SMARCAD1: variants seen among roughly 807,000 people sequenced by gnomAD.
The protein encoded by SMARCAD1 is SWI/SNF-related matrix-associated actin-dependent regulator of chromatin subfamily A containing DEAD/H box 1.
SMARCAD1 carries 25 observed loss-of-function variants against 127.1 expected under a neutral mutation model. The ratio of observed to expected loss-of-function variants is 0.20; its 90% confidence interval spans 0.14 to 0.27. The LOEUF (loss-of-function observed/expected upper bound fraction) is 0.27, where lower values mean the gene tolerates loss of function less well. Ranked by LOEUF, SMARCAD1 falls within the 10% of genes least tolerant of loss-of-function variation. SMARCAD1 has a pLI of 1.00. For synonymous variants in SMARCAD1, 400 were observed against 396.9 expected (o/e 1.01, Z -0.09); for missense variants, 807 against 1,206.0 (o/e 0.67, Z 4.90).
Position 94,224,084 on chromosome 4 carries a change from GT to G in SMARCAD1, c.191-2031del, listed in dbSNP as rs1744624511. Among the ~76,000 whole-genome samples, 3 of 152,242 alleles carry G rather than the reference GT, an allele frequency of 2.0e-5. No homozygotes were observed. The South Asian group carries it at 6.2e-4, about 32-fold the overall frequency. ...TACTTACTATATAGGAGTTTGGACT[GT>G]TTTATTACTTTGTGTATGATGATAA... On this transcript the variant is annotated intron_variant, in intron 2 of 23. Coordinates refer to ENST00000354268, the MANE Select transcript of SMARCAD1 (RefSeq NM_020159.5).
At chr4:94,220,438 G>C (rs555136363) in intron 2 of SMARCAD1, among the ~76,000 whole-genome samples, 1 of 152,156 alleles carries the variant, frequency 6.6e-6, no homozygotes, top group Admixed American at 6.5e-5. Flanking sequence ...AGTAGACACA[G>C]GGTTTCACCA....
chr4:94,259,986 T>C (rs181574127), intron 9 of SMARCAD1, among the ~76,000 whole-genome samples: 3 of 152,210 alleles, frequency 2.0e-5, no homozygotes, highest in South Asian at 2.1e-4. Flanking sequence ...GGTCCACTTA[T>C]TAAGATTGCT....
At chr4:94,216,676 C>G (rs1282266944) in intron 2 of SMARCAD1, among the ~76,000 whole-genome samples, 1 of 152,178 alleles carries the variant, frequency 6.6e-6, no homozygotes, top group East Asian at 1.9e-4. Context: ...ATGAATTTGA[C>G]TATTCTAAGT....
intron 5 of SMARCAD1, among the ~76,000 whole-genome samples, chr4:94,237,432 T>G (rs964564945): frequency 6.6e-6 from 1 of 151,856 alleles, no homozygotes; most frequent in African/African-American, 2.4e-5. Context: ...TGAATGAGCT[T>G]GCAATATAGA....
Position 94,264,912 on chromosome 4 carries a change from C to G in SMARCAD1, c.1481+6C>G, listed in dbSNP as rs200700290. The G allele has an allele frequency of 3.6e-5, 58 of 1,602,286 alleles. No homozygotes were observed. Among genetic ancestry groups the G allele is most frequent in the Non-Finnish European group, 4.3e-6 (5 of 1,170,090 alleles). ...CCTTCCATTCTAAACCAAAGGTAATCTTTGTTGAATATATTTATTCGTATT... is the reference window on the plus strand; with the variant it reads ...CCTTCCATTCTAAACCAAAGGTAATGTTTGTTGAATATATTTATTCGTATT... On this transcript the variant is annotated splice_donor_region_variant and intron_variant, in intron 10 of 23. Coordinates refer to ENST00000354268, the MANE Select transcript of SMARCAD1 (RefSeq NM_020159.5).
At chr4:94,224,464 A>C (rs560792376) in intron 2 of SMARCAD1, among the ~76,000 whole-genome samples, 1 of 152,308 alleles carries the variant, frequency 6.6e-6, no homozygotes, top group African/African-American at 2.4e-5. Context: ...GCTGATCTGT[A>C]TTTCACATAC....
chr4:94,281,579 G>T lies in SMARCAD1; in HGVS notation c.2715G>T (p.Gln905His). 1 of 1,597,450 alleles carries T rather than the reference G, an allele frequency of 6.3e-7. No individual in the cohort carries two copies. The highest frequency in any genetic ancestry group is 8.6e-7 in the Non-Finnish European group (1 of 1,165,272). ...ACCTCAGATTAGATGGAAAGACTCA[G>T]ATTTCTGAAAGGTTGGTATAATTCA... ...HRYLRLDGKTQISERIHLIDE... is the reference protein window; with the variant it reads ...HRYLRLDGKTHISERIHLIDE... The change falls in exon 21 of 24, where the codon CAG (glutamine) becomes CAT (histidine). Residue 905 changes from glutamine to histidine, a missense_variant. Gln to His is a conservative substitution (Grantham distance 24, BLOSUM62 0). This residue lies in a region of SMARCAD1 where 44 missense variants were observed against 119.1 expected (regional missense o/e 0.37). Coordinates refer to ENST00000354268, the MANE Select transcript of SMARCAD1 (RefSeq NM_020159.5).
chr4:94,235,823 G>GT lies in SMARCAD1; in HGVS notation c.538-1122dup, dbSNP rs565497179. Among the ~76,000 whole-genome samples, 5 of 151,882 alleles carry GT rather than the reference G, an allele frequency of 3.3e-5. 1 individual carries two copies. The South Asian group carries it at 1.0e-3, about 32-fold the overall frequency. On this transcript the variant is annotated intron_variant, in intron 4 of 23. Transcript: ENST00000354268. Reference sequence around the variant, plus strand: ...TTGCCAATTTTTAATGTAGTTCAGAGTTTTTTTCTTGTAAAAATCTTTCTA... The same window carrying GT: ...TTGCCAATTTTTAATGTAGTTCAGAGTTTTTTTTCTTGTAAAAATCTTTCTA...
intron 22 of SMARCAD1, among the ~76,000 whole-genome samples, 184 bp downstream of exon 22, chr4:94,283,487 T>G (rs1020889532): frequency 6.6e-6 from 1 of 152,178 alleles, no homozygotes; most frequent in Admixed American, 6.5e-5. Context: ...CATTTTCTAG[T>G]AATTATCCAC....
chr4:94,240,795 T>C (rs1747461491), intron 5 of SMARCAD1, 111 bp from the exon 6 acceptor site: 3 of 752,328 alleles, frequency 4.0e-6, no homozygotes, highest in East Asian at 2.7e-5. Context: ...GGGCCTGATA[T>C]CAAGAGAACT....
intron 2 of SMARCAD1, 149 bp downstream of exon 2, chr4:94,208,733 ATAAGCACCATGTACCCTC>A (rs1224467811): frequency 1.3e-6 from 1 of 769,234 alleles, no homozygotes; most frequent in African/African-American, 1.7e-5. Flanking sequence ...TGGGACTGCC[ATAAGCACCATGTACCCTC>A]AACTGAGCAT....
chr4:94,235,385 A>G (rs1320716286), intron 4 of SMARCAD1, among the ~76,000 whole-genome samples: 2 of 151,850 alleles, frequency 1.3e-5, no homozygotes, highest in Non-Finnish European at 2.9e-5. Flanking sequence ...ATGCTAACTA[A>G]TTTAAAGAAA....
chr4:94,255,479 T>C (rs1749928662), intron 9 of SMARCAD1, among the ~76,000 whole-genome samples: 1 of 151,988 alleles, frequency 6.6e-6, no homozygotes, highest in Admixed American at 6.5e-5. Context: ...ATATTGTGCC[T>C]TTTAAAACAA....
chr4:94,219,001 A>G (rs983204506), intron 2 of SMARCAD1, among the ~76,000 whole-genome samples: 9 of 151,952 alleles, frequency 5.9e-5, no homozygotes, highest in Non-Finnish European at 7.4e-5. Context: ...TAGTAGGGAC[A>G]GGGTTTCACC....
At chr4:94,213,278 A>T (rs1255388641) in intron 2 of SMARCAD1, 1 of 385,164 alleles carries the variant, frequency 2.6e-6, no homozygotes, top group African/African-American at 2.1e-5. Flanking sequence ...TCAGGGGAGG[A>T]TCACAAAAAG....
chr4:94,237,093 C>T lies in SMARCAD1; in HGVS notation c.604+75C>T, dbSNP rs574089642. 157 of 1,180,032 alleles carry T rather than the reference C, an allele frequency of 1.3e-4. 3 individuals are homozygous for T. The South Asian group carries it at 1.8e-3, about 13-fold the overall frequency. The allele number at this position is 1,180,032 out of a possible 1,614,324, so 73.1% of individuals were successfully genotyped here. On this transcript the variant is annotated intron_variant, in intron 5 of 23. Coordinates refer to ENST00000354268, the MANE Select transcript of SMARCAD1 (RefSeq NM_020159.5). ...TAATAGTACCTTCTCATTAATATTG[C>T]TCCACAGTTTATCAAACACCTTTAT...
At chr4:94,279,675 A>T (rs571757312) in intron 19 of SMARCAD1, among the ~76,000 whole-genome samples, 3 of 152,288 alleles carry the variant, frequency 2.0e-5, no homozygotes, top group African/African-American at 7.2e-5. Context: ...CAAAGCCTAA[A>T]ATATGATCTG....
At chr4:94,255,083 T>C (rs1358294462) in intron 9 of SMARCAD1, among the ~76,000 whole-genome samples, 1 of 152,010 alleles carries the variant, frequency 6.6e-6, no homozygotes, top group Non-Finnish European at 1.5e-5. Flanking sequence ...GCCAAAAAAA[T>C]TGTTTTGTGT....
intron 3 of SMARCAD1, among the ~76,000 whole-genome samples, chr4:94,233,254 C>A (rs1406166357): frequency 2.0e-5 from 3 of 152,124 alleles, no homozygotes; most frequent in East Asian, 1.9e-4. Context: ...TGTTACTGTT[C>A]TAGTTCTGAT....
Sources: gnomAD v4.1 joint callset for allele counts (sites outside exome capture counted in the v4.1 genomes callset) on GRCh38, gnomAD v4.1.1 for gene constraint, gnomAD v4.1.1 regional missense constraint, MANE v1.5 for transcripts, NCBI Gene and HGNC (gene_info 2026-07-23, HGNC 2026-07-21) for gene names.